The following TEX14 variants were observed in gnomAD, a reference collection of about 807,000 sequenced individuals.
TEX14 encodes the protein inactive serine/threonine-protein kinase TEX14.
TEX14 carries 168 observed loss-of-function variants against 178.6 expected under a neutral mutation model. The ratio of observed to expected loss-of-function variants is 0.94; its 90% CI spans 0.83 to 1.07. TEX14 has a LOEUF of 1.07. TEX14 is among the 50% of genes least tolerant of loss of function. The pLI is 0.00. For missense variants in TEX14, 1,730 were observed against 1,753.6 expected, an observed-to-expected ratio of 0.99 and a Z score of 0.24; for synonymous variants, 626 against 634.1, an observed-to-expected ratio of 0.99 and a Z score of 0.19.
chr17:58,608,894 T>C (rs902180012), intron 10 of TEX14, among the ~76,000 whole-genome samples: 13 of 152,158 alleles, frequency 8.5e-5, no homozygotes, highest in African/African-American at 3.1e-4. Context: ...AGTTAGGAGA[T>C]TGACACTACA....
chr17:58,593,476 G>A, intron 15 of TEX14, 79 bp downstream of exon 15: 4 of 1,072,898 alleles, frequency 3.7e-6, no homozygotes. Context: ...CTAGACATAA[G>A]AAGATCACTG....
At chr17:58,613,650 G>A (rs2045801301) in intron 8 of TEX14, 106 bp from the exon 9 acceptor site, 16 of 1,217,690 alleles carry the variant, frequency 1.3e-5, no homozygotes, top group Admixed American at 2.3e-5. Context: ...ATTTGTATAC[G>A]ATGTTTTCTT....
chr17:58,673,188 T>C (rs1366180428), intron 1 of TEX14, among the ~76,000 whole-genome samples: 5 of 151,876 alleles, frequency 3.3e-5, no homozygotes, highest in African/African-American at 4.8e-5. Context: ...TATTAAAATA[T>C]TGTATTGTAG....
At chr17:58,621,891 G>T in intron 4 of TEX14, 105 bp from the exon 5 acceptor site, 2 of 1,298,240 alleles carry the variant, frequency 1.5e-6, no homozygotes, top group Non-Finnish European at 2.1e-6. Context: ...GCCCCCAACA[G>T]AAAAACCTCT....
chr17:58,679,616 A>G (rs302865), intron 1 of TEX14: 94,687 of 152,032 alleles, frequency 0.62, 29,908 homozygotes, highest in African/African-American at 0.71. Context: ...CAGCACATCC[A>G]CAATGCAAGA....
At chr17:58,624,508 A>AT (rs2046089588) in intron 3 of TEX14, among the ~76,000 whole-genome samples, 1 of 151,066 alleles carries the variant, frequency 6.6e-6, no homozygotes, top group Non-Finnish European at 1.5e-5. Context: ...TGCCCAGTTA[A>AT]TTTTTGTATT....
intron 22 of TEX14, among the ~76,000 whole-genome samples, chr17:58,573,776 C>T (rs1261614786): frequency 6.6e-6 from 1 of 152,164 alleles, no homozygotes; most frequent in African/African-American, 2.4e-5. Flanking sequence ...ACCTCAGCCT[C>T]CCAAAGTGCT....
intron 1 of TEX14, among the ~76,000 whole-genome samples, chr17:58,672,416 A>T (rs1336127343): frequency 1.3e-5 from 2 of 152,184 alleles, no homozygotes; most frequent in East Asian, 3.8e-4. Flanking sequence ...GCAAACTGCA[A>T]CTACATCCTC....
Position 58,593,558 on chromosome 17 carries a change from C to T in TEX14, c.2573G>A (p.Ser858Asn). The T allele has an allele frequency of 1.2e-6, 2 of 1,612,814 alleles. No homozygotes were observed. Among genetic ancestry groups the T allele is most frequent in the Non-Finnish European group, 1.7e-6 (2 of 1,178,782 alleles). The stretch of plus-strand genomic sequence containing the variant: ...GAACAACAAAATGTTGACCCACCTA[C>T]TGGTATTTTGGATCCTGCTTGTTTC... The part of the protein sequence containing the change: ...SLETSRIQNT[S>N]SQGRPRESTA... The change falls in exon 15 of 32, where the codon AGT becomes AAT. Residue 858 changes from serine to asparagine, a missense_variant. This residue lies in a region of TEX14 where 941 missense variants were observed against 1,072.4 expected (regional missense o/e 0.88). Coordinates refer to ENST00000349033, the MANE Select transcript of TEX14 (RefSeq NM_031272.5).
At chr17:58,615,594 A>G (rs2045855011) in intron 7 of TEX14, among the ~76,000 whole-genome samples, 1 of 151,820 alleles carries the variant, frequency 6.6e-6, no homozygotes, top group African/African-American at 2.4e-5. Context: ...GTTTGTATTC[A>G]AAAACACAAC....
chr17:58,573,985 CACT>C (rs2044607930), intron 22 of TEX14, among the ~76,000 whole-genome samples, 199 bp downstream of exon 22: 1 of 152,150 alleles, frequency 6.6e-6, no homozygotes, highest in South Asian at 2.1e-4. Context: ...TTATTATCAT[CACT>C]ACATTTCCTT....
chr17:58,681,311 A>G (rs1211119500), intron 1 of TEX14, among the ~76,000 whole-genome samples: 1 of 152,116 alleles, frequency 6.6e-6, no homozygotes, highest in East Asian at 1.9e-4. Context: ...ACAAGCAACA[A>G]CTGAGAACAT....
At chr17:58,676,596 A>G (rs551718067) in intron 1 of TEX14, among the ~76,000 whole-genome samples, 1 of 152,162 alleles carries the variant, frequency 6.6e-6, no homozygotes, top group African/African-American at 2.4e-5. Context: ...AAACCAACAA[A>G]CTACTATGTC....
intron 15 of TEX14, among the ~76,000 whole-genome samples, chr17:58,592,939 T>C (rs1212912289): frequency 1.3e-5 from 2 of 152,174 alleles, no homozygotes; most frequent in African/African-American, 4.8e-5. Context: ...TATGCATATA[T>C]ATGCATGAAT....
intron 8 of TEX14, among the ~76,000 whole-genome samples, chr17:58,614,025 G>C (rs2045812429): frequency 6.6e-6 from 1 of 152,128 alleles, no homozygotes; most frequent in African/African-American, 2.4e-5. Flanking sequence ...GTTTCTGTTG[G>C]AATCTGTGGC....
chr17:58,615,495 ACCCAC>A, intron 7 of TEX14, 150 bp from the exon 8 acceptor site: 1 of 625,314 alleles, frequency 1.6e-6, no homozygotes, highest in Non-Finnish European at 2.8e-6. Flanking sequence ...CTCTCCCACT[ACCCAC>A]CCCCAGGTAC....
chr17:58,662,951 CA>C (rs2047142678), intron 1 of TEX14, among the ~76,000 whole-genome samples: 1 of 151,318 alleles, frequency 6.6e-6, no homozygotes, highest in East Asian at 1.9e-4. Context: ...ACTAAAAGCA[CA>C]AAAAAATTAG....
At chr17:58,638,495 A>G (rs2046490962) in intron 2 of TEX14, among the ~76,000 whole-genome samples, 3 of 152,336 alleles carry the variant, frequency 2.0e-5, no homozygotes, top group African/African-American at 7.2e-5. Context: ...ACCCATAAAA[A>G]TGAATTAACG....
At chr17:58,673,267 T>A (rs1244878748) in intron 1 of TEX14, among the ~76,000 whole-genome samples, 1 of 150,484 alleles carries the variant, frequency 6.6e-6, no homozygotes, top group African/African-American at 2.4e-5. Flanking sequence ...GATTATAAGG[T>A]CAGGAGTTCA....
Sources: gnomAD v4.1 joint callset for allele counts (sites outside exome capture counted in the v4.1 genomes callset) on GRCh38, gnomAD v4.1.1 for gene constraint, gnomAD v4.1.1 regional missense constraint, MANE v1.5 for transcripts, NCBI Gene and HGNC (gene_info 2026-07-23, HGNC 2026-07-21) for gene names.